NIBAN1: variants seen among roughly 807,000 people sequenced by gnomAD.
NIBAN1 encodes niban apoptosis regulator 1.
A neutral mutation model predicts 75.1 loss-of-function variants in NIBAN1; 81 were observed. That is an observed-to-expected ratio of 1.08 (90% confidence interval 0.90 to 1.30). NIBAN1 has a LOEUF of 1.30. Among genes scored for constraint, NIBAN1 ranks in the 50% most tolerant of loss-of-function variants. NIBAN1 has a pLI of 0.00. For synonymous variants in NIBAN1, 436 were observed against 424.8 expected (o/e 1.03, Z -0.32); for missense variants, 1,133 against 1,128.1 (o/e 1.00, Z -0.06).
intron 2 of NIBAN1, among the ~76,000 whole-genome samples, chr1:184,895,225 A>G (rs1271190775): frequency 6.6e-6 from 1 of 152,200 alleles, no homozygotes. Context: ...TTAAAAGGTA[A>G]GAGAGAATCT....
chr1:184,895,357 G>A (rs895571887), intron 2 of NIBAN1, among the ~76,000 whole-genome samples: 11 of 152,104 alleles, frequency 7.2e-5, no homozygotes, highest in African/African-American at 2.7e-4. Flanking sequence ...GGGGCCTCAC[G>A]ATAGACTTAC....
At chr1:184,860,684 G>C (rs1655794283) in intron 5 of NIBAN1, among the ~76,000 whole-genome samples, 1 of 152,198 alleles carries the variant, frequency 6.6e-6, no homozygotes, top group South Asian at 2.1e-4. Context: ...CCACTGATGA[G>C]AAAATTGAAG....
chr1:184,801,919 G>A (rs532377502), intron 12 of NIBAN1, among the ~76,000 whole-genome samples: 2 of 152,276 alleles, frequency 1.3e-5, no homozygotes, highest in African/African-American at 4.8e-5. Flanking sequence ...TGATTGAACA[G>A]GGCCATAGGT....
chr1:184,858,768 C>G (rs1655742077), intron 5 of NIBAN1, among the ~76,000 whole-genome samples: 1 of 151,994 alleles, frequency 6.6e-6, no homozygotes, highest in African/African-American at 2.4e-5. Flanking sequence ...AGTGGTAAAC[C>G]TGGGAACAGA....
chr1:184,847,033 A>C (rs1571515141), intron 5 of NIBAN1, among the ~76,000 whole-genome samples: 1 of 85,652 alleles, frequency 1.2e-5, no homozygotes, highest in African/African-American at 5.9e-5. Flanking sequence ...GAATGGAACC[A>C]AGTTGGAAAA....
chr1:184,933,229 A>C (rs1657871054), intron 1 of NIBAN1, among the ~76,000 whole-genome samples: 1 of 152,236 alleles, frequency 6.6e-6, no homozygotes, highest in African/African-American at 2.4e-5. Flanking sequence ...CTCAAAGTCC[A>C]GTTCAACCTT....
In NIBAN1 at chr1:184,884,871, C is replaced by A. The variant is rs531560038; in HGVS notation, c.434-71G>T. The A allele has an allele frequency of 7.7e-5, 118 of 1,539,240 alleles. No individual in the cohort carries two copies. In the East Asian group the frequency reaches 1.9e-3, roughly 25 times the overall value. ...TTTATTTCAAATGTGTGTTTCAGGT[C>A]GTGAGGGTGACTATCTGGGGCAGGC... On this transcript the variant is annotated intron_variant, in intron 4 of 13. Coordinates refer to ENST00000367511, the MANE Select transcript of NIBAN1 (RefSeq NM_052966.4).
At chr1:184,888,430 G>A (rs376556801) in intron 4 of NIBAN1, among the ~76,000 whole-genome samples, 17 of 152,200 alleles carry the variant, frequency 1.1e-4, no homozygotes, top group African/African-American at 4.1e-4. Flanking sequence ...CATTTAAAAA[G>A]CCTCAACAAA....
intron 2 of NIBAN1, among the ~76,000 whole-genome samples, chr1:184,895,773 C>T (rs2101984070): frequency 6.6e-6 from 1 of 152,102 alleles, no homozygotes; most frequent in East Asian, 1.9e-4. Context: ...CCATGTGTAC[C>T]CATTATTTAG....
chr1:184,820,418 G>A (rs1443667411), intron 8 of NIBAN1, among the ~76,000 whole-genome samples: 1 of 152,154 alleles, frequency 6.6e-6, no homozygotes, highest in Non-Finnish European at 1.5e-5. Flanking sequence ...TTTATTCAAT[G>A]TTCCTTTACC....
intron 1 of NIBAN1, among the ~76,000 whole-genome samples, chr1:184,973,292 A>G (rs1658984613): frequency 6.6e-6 from 1 of 152,182 alleles, no homozygotes; most frequent in South Asian, 2.1e-4. Flanking sequence ...ACGGTCTTAA[A>G]TGTTGTGGTG....
chr1:184,907,604 G>T (rs1418921829), intron 1 of NIBAN1, among the ~76,000 whole-genome samples: 1 of 152,126 alleles, frequency 6.6e-6, no homozygotes, highest in Non-Finnish European at 1.5e-5. Flanking sequence ...TACACCTTAG[G>T]GTGGAGAAAT....
chr1:184,948,294 T>G (rs1216013814), intron 1 of NIBAN1, among the ~76,000 whole-genome samples: 1 of 152,174 alleles, frequency 6.6e-6, no homozygotes, highest in African/African-American at 2.4e-5. Context: ...ATGTATTCAT[T>G]TATTCATTCA....
intron 5 of NIBAN1, chr1:184,867,792 G>T: frequency 1.1e-6 from 1 of 906,188 alleles, no homozygotes; most frequent in Non-Finnish European, 1.3e-6. Flanking sequence ...TGGTTTATAA[G>T]CAATGACTGT....
At chr1:184,798,236 G>A (rs780348491) in intron 12 of NIBAN1, 46 bp from the exon 13 acceptor site, 2 of 1,252,276 alleles carry the variant, frequency 1.6e-6, no homozygotes, top group Admixed American at 1.8e-5. Context: ...GGCATGAGAT[G>A]CCTGTTCTTA....
chr1:184,791,673 C>T lies in NIBAN1; in HGVS notation c.*3304G>A, dbSNP rs1653698861. On this transcript the variant is annotated 3_prime_UTR_variant, in exon 14 of 14. Coordinates refer to ENST00000367511, the MANE Select transcript of NIBAN1 (RefSeq NM_052966.4). ...ATGGAGTTTTTGCCAAAAACCATGTCTCGAGGTTTTATGCATTTCTAATGG... is the reference window on the plus strand; with the variant it reads ...ATGGAGTTTTTGCCAAAAACCATGTTTCGAGGTTTTATGCATTTCTAATGG... The T allele has an allele frequency of 6.6e-6, 1 of 151,962 alleles. No individual in the cohort carries two copies. Among genetic ancestry groups the T allele is most frequent in the African/African-American group, 2.4e-5 (1 of 41,350 alleles). The allele number at this position is 151,962 out of a possible 1,614,324, so 9.4% of individuals were successfully genotyped here.
At position 184,793,123 on chromosome 1, in the gene NIBAN1, G is replaced by C. The variant is rs1281634742; in HGVS notation, c.*1854C>G. The C allele has an allele frequency of 1.3e-5, 2 of 152,078 alleles. No homozygotes were observed. Among genetic ancestry groups the C allele is most frequent in the African/African-American group, 2.4e-5 (1 of 41,402 alleles). 9.4% of individuals were successfully genotyped at this position (152,078 alleles called of 1,614,324 possible). Reference sequence around the variant, plus strand: ...GTTTATGACCTAGAAATTCTTCATGGGAGGGCTGAAAAGGGTGATATTTTA... The same window carrying C: ...GTTTATGACCTAGAAATTCTTCATGCGAGGGCTGAAAAGGGTGATATTTTA... On this transcript the variant is annotated 3_prime_UTR_variant, in exon 14 of 14. Transcript: ENST00000367511.
chr1:184,956,434 C>T (rs898423106), intron 1 of NIBAN1, among the ~76,000 whole-genome samples: 5 of 152,188 alleles, frequency 3.3e-5, no homozygotes, highest in Non-Finnish European at 7.3e-5. Context: ...AACTCAAATT[C>T]AGCACTTCTC....
chr1:184,821,741 T>C (rs1654708406), intron 8 of NIBAN1, among the ~76,000 whole-genome samples: 1 of 152,208 alleles, frequency 6.6e-6, no homozygotes, highest in South Asian at 2.1e-4. Flanking sequence ...AGTATTTCAA[T>C]ATATAGTCAA....
Sources: gnomAD v4.1 joint callset for allele counts (sites outside exome capture counted in the v4.1 genomes callset) on GRCh38, gnomAD v4.1.1 for gene constraint, MANE v1.5 for transcripts, NCBI Gene and HGNC (gene_info 2026-07-23, HGNC 2026-07-21) for gene names.